The following CFAP77 variants were observed in gnomAD, a reference collection of about 807,000 sequenced individuals.
CFAP77 encodes cilia and flagella associated protein 77, also known as cilia- and flagella-associated protein 77.
In CFAP77, 25 loss-of-function variants were observed where a neutral mutation model predicts 31.1. That is an observed-to-expected ratio of 0.80 (90% CI 0.59 to 1.12). The LOEUF (loss-of-function observed/expected upper bound fraction) is 1.12, where lower values mean the gene tolerates loss of function less well. Ranked by LOEUF, CFAP77 falls within the 50% of genes most tolerant of loss-of-function variation. The probability of loss-of-function intolerance (pLI) is 0.00; values close to 1 mark genes in which losing one functional copy is unlikely to be tolerated. For missense variants in CFAP77, 377 were observed against 397.3 expected (o/e 0.95, Z 0.44); for synonymous variants, 151 against 159.9 (o/e 0.94, Z 0.42).
intron 1 of CFAP77, among the ~76,000 whole-genome samples, chr9:132,494,205 C>A (rs565358192): frequency 2.0e-5 from 3 of 152,320 alleles, no homozygotes; most frequent in African/African-American, 7.2e-5. Flanking sequence ...AGCCACCACA[C>A]CTGGCTCATT....
intron 3 of CFAP77, among the ~76,000 whole-genome samples, chr9:132,529,849 A>G (rs1461330025): frequency 2.0e-5 from 3 of 151,470 alleles, no homozygotes; most frequent in Non-Finnish European, 4.4e-5. Context: ...AAAAGAAAAG[A>G]AAAGAAAAAG....
chr9:132,410,974 C>T (rs370909989), intron 1 of CFAP77, among the ~76,000 whole-genome samples: 50 of 152,360 alleles, frequency 3.3e-4, no homozygotes, highest in Middle Eastern at 6.8e-3. Context: ...TTCGATCATA[C>T]TAATTTCTTA....
chr9:132,456,775 C>G (rs114276700), intron 1 of CFAP77, among the ~76,000 whole-genome samples: 8,560 of 151,654 alleles, frequency 0.056, 797 homozygotes, highest in African/African-American at 0.19. Flanking sequence ...TTTTGAGACA[C>G]GGTCATACTC....
At chr9:132,457,577 C>T (rs1439685569) in intron 1 of CFAP77, among the ~76,000 whole-genome samples, 3 of 152,196 alleles carry the variant, frequency 2.0e-5, no homozygotes, top group Admixed American at 2.0e-4. Context: ...AGAAATACAT[C>T]GCCGCTAACA....
intron 4 of CFAP77, among the ~76,000 whole-genome samples, chr9:132,538,869 T>C (rs1313520942): frequency 2.0e-5 from 3 of 152,062 alleles, no homozygotes; most frequent in Non-Finnish European, 2.9e-5. Context: ...GGGCGGATCA[T>C]GAGGTCCGGA....
intron 3 of CFAP77, among the ~76,000 whole-genome samples, chr9:132,509,927 A>T (rs923357962): frequency 6.6e-6 from 1 of 152,068 alleles, no homozygotes; most frequent in African/African-American, 2.4e-5. Context: ...TCCCTCCCCA[A>T]ACTCCTGCTG....
intron 1 of CFAP77, among the ~76,000 whole-genome samples, chr9:132,419,091 C>T (rs1237259584): frequency 6.6e-6 from 1 of 152,154 alleles, no homozygotes; most frequent in Non-Finnish European, 1.5e-5. Flanking sequence ...GGAAGGTCAA[C>T]ATGAGTAGCA....
intron 1 of CFAP77, among the ~76,000 whole-genome samples, chr9:132,486,682 G>A (rs1460401302): frequency 6.6e-6 from 1 of 152,262 alleles, no homozygotes; most frequent in Non-Finnish European, 1.5e-5. Flanking sequence ...GGCCCCCAGA[G>A]GCCGGGGACT....
Position 132,554,924 on chromosome 9 carries a change from G to GCATGCATC in CFAP77, c.732+11880_732+11881insGCATCCAT, listed in dbSNP as rs974055020. On this transcript the variant is annotated intron_variant, in intron 5 of 5. Coordinates refer to ENST00000393216, the MANE Select transcript of CFAP77 (RefSeq NM_001282957.2). This position sits in a 1 kb window ranked among gnomAD's most constrained non-coding sequence, Gnocchi z 4.1. ...TCCATCCATCTATGCATGCATGCAT[G>GCATGCATC]CATCCATCCATCCACCCATCCATCC... 7.2e-6 allele frequency among the ~76,000 whole-genome samples: 1 copy of GCATGCATC among 138,814 alleles called. No homozygotes were observed. Among genetic ancestry groups the GCATGCATC allele is most frequent in the Admixed American group, 7.4e-5 (1 of 13,568 alleles). 91.1% of individuals were successfully genotyped at this position (138,814 alleles called of 152,430 possible).
intron 5 of CFAP77, among the ~76,000 whole-genome samples, chr9:132,549,366 A>C (rs972021133): frequency 1.3e-5 from 2 of 152,234 alleles, no homozygotes; most frequent in African/African-American, 4.8e-5. Flanking sequence ...AATAAGAATC[A>C]TCTTACGTCA....
At chr9:132,535,274 T>A (rs1852524011) in intron 3 of CFAP77, among the ~76,000 whole-genome samples, 1 of 152,206 alleles carries the variant, frequency 6.6e-6, no homozygotes, top group South Asian at 2.1e-4. Flanking sequence ...CTAATTTGCT[T>A]TATCCTGGAA....
intron 1 of CFAP77, among the ~76,000 whole-genome samples, chr9:132,413,315 G>C (rs911666068): frequency 6.6e-6 from 1 of 152,074 alleles, no homozygotes; most frequent in Non-Finnish European, 1.5e-5. Context: ...CATCCAAGCA[G>C]GTATTTTATC....
chr9:132,458,351 G>T lies in CFAP77; in HGVS notation c.196-40344G>T, dbSNP rs372357051. Among the ~76,000 whole-genome samples the T allele has an allele frequency of 2.2e-4, 26 of 120,460 alleles. 1 individual carries two copies. Among genetic ancestry groups the T allele is most frequent in the East Asian group, 8.8e-4 (3 of 3,424 alleles). The allele number at this position is 120,460 out of a possible 152,430, so 79.0% of individuals were successfully genotyped here. A position where few individuals can be genotyped will look rare whatever the true frequency, so the allele number is the denominator to read the frequency against. ...ACCTTTGTCTCCCTGGCGGGGGAGG[G>T]GGGGGGGTGTGTATGGAAGGCTCAG... On this transcript the variant is annotated intron_variant, in intron 1 of 5. Coordinates refer to ENST00000393216, the MANE Select transcript of CFAP77 (RefSeq NM_001282957.2).
At position 132,481,985 on chromosome 9, in the gene CFAP77, T is replaced by A. The variant is rs552720154; in HGVS notation, c.196-16710T>A. 1.4e-5 allele frequency among the ~76,000 whole-genome samples: 2 copies of A among 144,792 alleles called. No individual in the cohort carries two copies. The highest frequency in any genetic ancestry group is 3.0e-5 in the Non-Finnish European group (2 of 65,998). The allele number at this position is 144,792 out of a possible 152,430, so 95.0% of individuals were successfully genotyped here. A position where few individuals can be genotyped will look rare whatever the true frequency, so the allele number is the denominator to read the frequency against. On this transcript the variant is annotated intron_variant, in intron 1 of 5. Transcript: ENST00000393216. This position sits in a 1 kb window ranked among gnomAD's most constrained non-coding sequence, Gnocchi z 5.0. The stretch of plus-strand genomic sequence containing the variant: ...GGGGGGGGGGGGGGCGGCGGAACAC[T>A]GAACATTTTTCTTCCCTATTACATG...
At chr9:132,412,465 G>A (rs773456524) in intron 1 of CFAP77, among the ~76,000 whole-genome samples, 19 of 152,142 alleles carry the variant, frequency 1.2e-4, no homozygotes, top group Admixed American at 2.6e-4. Context: ...TATAACTTTA[G>A]AGGTCAAAAC....
At chr9:132,458,357 G>GGGGGGGGGGGGGGGGT (rs139008147) in intron 1 of CFAP77, among the ~76,000 whole-genome samples, 1 of 119,044 alleles carries the variant, frequency 8.4e-6, no homozygotes, top group Non-Finnish European at 1.7e-5. Flanking sequence ...GAGGGGGGGG[G>GGGGGGGGGGGGGGGGT]GTGTGTATGG....
At chr9:132,568,594 T>C (rs1170388696) in intron 5 of CFAP77, among the ~76,000 whole-genome samples, 4 of 150,922 alleles carry the variant, frequency 2.7e-5, no homozygotes, top group Non-Finnish European at 4.4e-5. Flanking sequence ...TATACTATAC[T>C]GTGCACTTGA....
intron 1 of CFAP77, among the ~76,000 whole-genome samples, chr9:132,469,838 AT>A (rs763910119): frequency 0.019 from 2,457 of 128,730 alleles, 22 homozygotes; most frequent in Middle Eastern, 0.031. Context: ...TTGCTCCGTG[AT>A]TTTTTTTTTT....
chr9:132,557,693 G>A (rs1217630653), intron 5 of CFAP77, among the ~76,000 whole-genome samples: 1 of 152,106 alleles, frequency 6.6e-6, no homozygotes, highest in Non-Finnish European at 1.5e-5. Flanking sequence ...TGCAAATCGA[G>A]GCCACTTGGT....
Sources: allele counts gnomAD v4.1 joint callset (sites outside exome capture counted in the v4.1 genomes callset), GRCh38; gene constraint gnomAD v4.1.1; non-coding constraint Gnocchi (gnomAD v3.1); transcripts MANE v1.5; gene names NCBI Gene and HGNC (gene_info 2026-07-23, HGNC 2026-07-21).